Variants in FOXP2 observed in about 807,000 individuals in gnomAD.
FOXP2 encodes the protein forkhead box protein P2.
A neutral mutation model predicts 115.8 loss-of-function variants in FOXP2; 12 were observed. The ratio of observed to expected loss-of-function variants is 0.10; its 90% CI spans 0.07 to 0.17. FOXP2 has a LOEUF of 0.17. FOXP2 is among the 10% of genes least tolerant of loss of function. FOXP2 has a pLI of 1.00. For synonymous variants in FOXP2, 328 were observed against 297.7 expected (o/e 1.10, Z -1.05); for missense variants, 629 against 843.5 (o/e 0.75, Z 3.15).
chr7:114,534,544 C>A, intron 2 of FOXP2, 73 bp from the exon 3 acceptor site: 1 of 1,218,322 alleles, frequency 8.2e-7, no homozygotes, highest in East Asian at 2.3e-5. Flanking sequence ...AAGCCTTTTA[C>A]TATTAACCAA....
intron 2 of FOXP2, among the ~76,000 whole-genome samples, chr7:114,333,745 G>A (rs767390817): frequency 5.9e-5 from 9 of 152,076 alleles, no homozygotes; most frequent in Admixed American, 1.3e-4. Flanking sequence ...AAAATTAGCT[G>A]GGTGTGGTGG....
At chr7:114,683,324 A>G (rs1483089002) in intron 16 of FOXP2, among the ~76,000 whole-genome samples, 3 of 152,204 alleles carry the variant, frequency 2.0e-5, no homozygotes, top group African/African-American at 7.2e-5. Context: ...AGCTACCAGT[A>G]GAAAGAGTTA....
Position 114,691,728 on chromosome 7 carries a change from T to TTA in FOXP2, c.*1802_*1803insTA, listed in dbSNP as rs1808675529. ...ACAAACAGTTTTGACAGAAGGTGGC[T>TTA]GCTAGAGCTTAACATACGTTCCCGT... is the stretch of plus-strand genomic sequence containing the variant. On this transcript the variant is annotated 3_prime_UTR_variant, in exon 17 of 17. Coordinates refer to ENST00000350908, the MANE Select transcript of FOXP2 (RefSeq NM_014491.4). 2 of 454,106 alleles carry TTA rather than the reference T, an allele frequency of 4.4e-6. No individual in the cohort carries two copies. The highest frequency in any genetic ancestry group is 4.0e-5 in the African/African-American group (2 of 49,974). The allele number at this position is 454,106 out of a possible 1,614,324, so 28.1% of individuals were successfully genotyped here. A position where few individuals can be genotyped will look rare whatever the true frequency, so the allele number is the denominator to read the frequency against.
chr7:114,663,284 AG>A (rs1384124590), intron 14 of FOXP2, among the ~76,000 whole-genome samples, 165 bp from the exon 15 acceptor site: 1 of 152,132 alleles, frequency 6.6e-6, no homozygotes, highest in Non-Finnish European at 1.5e-5. Context: ...TATTATGTAA[AG>A]GGTTATATAT....
intron 2 of FOXP2, among the ~76,000 whole-genome samples, chr7:114,367,602 CAGTA>C (rs2129188647): frequency 6.6e-6 from 1 of 152,276 alleles, no homozygotes; most frequent in East Asian, 1.9e-4. Context: ...GGAATACATT[CAGTA>C]CAACTCTGAA....
At chr7:114,134,750 C>CATA (rs1791991033) in intron 1 of FOXP2, among the ~76,000 whole-genome samples, 1 of 151,768 alleles carries the variant, frequency 6.6e-6, no homozygotes, top group African/African-American at 2.4e-5. Context: ...TTGTGACCAG[C>CATA]ATAATAGACA....
At chr7:114,129,118 G>A (rs1791803772) in intron 1 of FOXP2, among the ~76,000 whole-genome samples, 1 of 152,114 alleles carries the variant, frequency 6.6e-6, no homozygotes, top group African/African-American at 2.4e-5. Context: ...AGAGAAAGTA[G>A]GACATACAGT....
intron 3 of FOXP2, among the ~76,000 whole-genome samples, chr7:114,550,416 T>G (rs186570809): frequency 0.013 from 1,907 of 152,128 alleles, 33 homozygotes; most frequent in South Asian, 0.065. Context: ...GCACCCGGCC[T>G]CATCTTTCTT....
At chr7:114,093,428 T>C (rs796838292) in intron 1 of FOXP2, among the ~76,000 whole-genome samples, 2 of 152,204 alleles carry the variant, frequency 1.3e-5, no homozygotes, top group South Asian at 2.1e-4. Context: ...TTATTTAACA[T>C]CTTTTCCCCC....
At chr7:114,255,638 G>A (rs1377509529) in intron 1 of FOXP2, among the ~76,000 whole-genome samples, 1 of 152,130 alleles carries the variant, frequency 6.6e-6, no homozygotes, top group Non-Finnish European at 1.5e-5. Flanking sequence ...TAAGACCATT[G>A]GAAAAGCGCA....
At chr7:114,612,774 A>G (rs919465840) in intron 3 of FOXP2, among the ~76,000 whole-genome samples, 1 of 152,302 alleles carries the variant, frequency 6.6e-6, no homozygotes, top group South Asian at 2.1e-4. Context: ...TAGATGGGAA[A>G]TATCTCATTC....
At chr7:114,236,774 C>G (rs745927047) in intron 1 of FOXP2, among the ~76,000 whole-genome samples, 1 of 152,100 alleles carries the variant, frequency 6.6e-6, no homozygotes, top group South Asian at 2.1e-4. Flanking sequence ...GCCAGGAGTT[C>G]AAGACCAGCT....
At chr7:114,457,694 C>G (rs764730852) in intron 2 of FOXP2, among the ~76,000 whole-genome samples, 1 of 152,114 alleles carries the variant, frequency 6.6e-6, no homozygotes, top group Non-Finnish European at 1.5e-5. Flanking sequence ...GTCAGGAGAT[C>G]GAGACCATCC....
chr7:114,524,348 T>C (rs1266579211), intron 2 of FOXP2, among the ~76,000 whole-genome samples: 1 of 152,210 alleles, frequency 6.6e-6, no homozygotes, highest in African/African-American at 2.4e-5. Flanking sequence ...TTATTTATGT[T>C]GTTCTAGTTG....
rs77560671 is a variant in FOXP2 at position 114,312,762 on chromosome 7, T to G, written c.-11+24653T>G. On this transcript the variant is annotated intron_variant, in intron 2 of 17. Coordinates refer to the FOXP2 transcript ENST00000634411. Reference sequence around the variant, plus strand: ...ATGGATGCTGTGTATGCAGTGGAGCTGCAGTGAGTCTGGGAAATCCACCAC... The same window carrying G: ...ATGGATGCTGTGTATGCAGTGGAGCGGCAGTGAGTCTGGGAAATCCACCAC... 2.6e-3 allele frequency among the ~76,000 whole-genome samples: 399 copies of G among 152,308 alleles called. 9 individuals are homozygous for G. In the East Asian group the frequency reaches 0.039, roughly 15 times the overall value.
chr7:114,277,123 T>C (rs1364525019), intron 1 of FOXP2, among the ~76,000 whole-genome samples: 2 of 152,186 alleles, frequency 1.3e-5, no homozygotes, highest in Non-Finnish European at 2.9e-5. Context: ...ATTAACCTCA[T>C]CAGGAAAGTT....
intron 2 of FOXP2, among the ~76,000 whole-genome samples, chr7:114,331,794 C>A (rs188506998): frequency 6.6e-6 from 1 of 151,696 alleles, no homozygotes. Context: ...TACAGGCATG[C>A]GCCATCATAC....
At chr7:114,158,229 A>T (rs1014156628), upstream of FOXP2, among the ~76,000 whole-genome samples, 3 of 152,118 alleles carry the variant, frequency 2.0e-5, no homozygotes, top group African/African-American at 7.2e-5. Flanking sequence ...CTCAAACCAG[A>T]CTTTTATTTG....
At position 114,432,915 on chromosome 7, in the gene FOXP2, G is replaced by C. The variant is rs180762891; in HGVS notation, c.168+6236G>C. Among the ~76,000 whole-genome samples the C allele has an allele frequency of 2.0e-5, 3 of 152,008 alleles. No homozygotes were observed. The East Asian group carries it at 5.8e-4, about 29-fold the overall frequency. On this transcript the variant is annotated intron_variant, in intron 2 of 16. Transcript: ENST00000350908. ...TCATCCACAGTTATTTTAATGTACT[G>C]TGTCCATCTGTGTTAAGATATATTA...
Sources: allele counts gnomAD v4.1 joint callset (sites outside exome capture counted in the v4.1 genomes callset), GRCh38; gene constraint gnomAD v4.1.1; transcripts MANE v1.5; gene names NCBI Gene and HGNC (gene_info 2026-07-23, HGNC 2026-07-21).